The following NRF1 variants were observed in gnomAD, a reference collection of about 807,000 sequenced individuals.
NRF1 encodes the protein alpha palindromic-binding protein.
In NRF1, 5 loss-of-function variants were observed where a neutral mutation model predicts 58.5. The ratio of observed to expected loss-of-function variants is 0.09; its 90% CI spans 0.04 to 0.18. NRF1 has a LOEUF of 0.18. Ranked by LOEUF, NRF1 falls within the 10% of genes least tolerant of loss-of-function variation. The pLI is 1.00. For synonymous variants in NRF1, 224 were observed against 246.7 expected (o/e 0.91, Z 0.86); for missense variants, 288 against 657.7 (o/e 0.44, Z 6.15).
chr7:129,742,939 G>A (rs1038393404), intron 10 of NRF1, among the ~76,000 whole-genome samples: 5 of 152,162 alleles, frequency 3.3e-5, no homozygotes, highest in Admixed American at 3.3e-4. Context: ...ATCATCACAG[G>A]AAGCTCCAGT....
chr7:129,701,656 G>A (rs1802828907), intron 5 of NRF1, among the ~76,000 whole-genome samples: 1 of 152,020 alleles, frequency 6.6e-6, no homozygotes, highest in African/African-American at 2.4e-5. Context: ...GGAAGAGGAT[G>A]AATGGGTATT....
intron 1 of NRF1, among the ~76,000 whole-genome samples, chr7:129,623,438 T>A (rs1378856994): frequency 6.6e-6 from 1 of 151,920 alleles, no homozygotes; most frequent in Non-Finnish European, 1.5e-5. Flanking sequence ...AGATAAAATA[T>A]AAATATTCAA....
At chr7:129,742,200 C>T (rs1803860368) in intron 10 of NRF1, among the ~76,000 whole-genome samples, 1 of 149,052 alleles carries the variant, frequency 6.7e-6, no homozygotes, top group African/African-American at 2.5e-5. Flanking sequence ...ATAATTACAC[C>T]AAATCTTCAT....
intron 10 of NRF1, among the ~76,000 whole-genome samples, chr7:129,743,175 TA>T (rs5887444): frequency 0.66 from 96,246 of 146,878 alleles, 32,059 homozygotes; most frequent in East Asian, 0.76. Context: ...ACCCCTTGTT[TA>T]AAAAAAAAAA....
In NRF1 at chr7:129,673,703, C is replaced by G. The variant is rs1359401571; in HGVS notation, c.338+2160C>G. 3.2e-3 allele frequency among the ~76,000 whole-genome samples: 328 copies of G among 103,154 alleles called. 2 individuals carry two copies. The highest frequency in any genetic ancestry group is 0.012 in the African/African-American group (311 of 25,148). 67.7% of individuals were successfully genotyped at this position (103,154 alleles called of 152,430 possible). On this transcript the variant is annotated intron_variant, in intron 3 of 10. Coordinates refer to ENST00000393232, the MANE Select transcript of NRF1 (RefSeq NM_005011.5). ...CAGCACTCCCGCCTGGGCGACAGAG[C>G]GAGACTCCGTCTCAAAAAAAAAAAA...
At chr7:129,754,982 T>C in intron 10 of NRF1, 36 bp from the exon 11 acceptor site, 1 of 1,527,450 alleles carries the variant, frequency 6.5e-7, no homozygotes, top group East Asian at 2.5e-5. Flanking sequence ...AACTTGAGCC[T>C]GAGCCCCACC....
chr7:129,664,104 A>C (rs7459234), intron 2 of NRF1, among the ~76,000 whole-genome samples: 27,629 of 148,008 alleles, frequency 0.19, 2,832 homozygotes, highest in East Asian at 0.48. Context: ...CAGGCTCCCC[A>C]AGAGAGGGAG....
chr7:129,705,952 A>T (rs1201419933), intron 5 of NRF1, among the ~76,000 whole-genome samples: 1 of 151,944 alleles, frequency 6.6e-6, no homozygotes, highest in Non-Finnish European at 1.5e-5. Flanking sequence ...AGAGAGAGAG[A>T]GAGAGAGAAT....
chr7:129,748,001 C>T (rs1420325288), intron 10 of NRF1, among the ~76,000 whole-genome samples: 4 of 152,124 alleles, frequency 2.6e-5, no homozygotes, highest in Non-Finnish European at 5.9e-5. Flanking sequence ...CTCGGCCGGG[C>T]GCGGTGGCTC....
At chr7:129,713,448 T>A (rs1803122092) in intron 8 of NRF1, among the ~76,000 whole-genome samples, 1 of 152,184 alleles carries the variant, frequency 6.6e-6, no homozygotes, top group Non-Finnish European at 1.5e-5. Flanking sequence ...ACCATCAATA[T>A]ATGTAACAGT....
chr7:129,676,280 A>G (rs1229244921), intron 3 of NRF1, among the ~76,000 whole-genome samples: 1 of 152,242 alleles, frequency 6.6e-6, no homozygotes, highest in East Asian at 1.9e-4. Context: ...TCTTTGCATT[A>G]ACAACGTGGC....
intron 4 of NRF1, among the ~76,000 whole-genome samples, chr7:129,684,851 C>A (rs899382630): frequency 4.6e-5 from 7 of 152,146 alleles, no homozygotes; most frequent in Non-Finnish European, 8.8e-5. Context: ...CCATCTGAGT[C>A]CTTTGGGGTT....
Position 129,755,224 on chromosome 7 carries a change from A to T in NRF1, c.*43A>T. 2 of 1,503,618 alleles carry T rather than the reference A, an allele frequency of 1.3e-6. No individual in the cohort carries two copies. Among genetic ancestry groups the T allele is most frequent in the Non-Finnish European group, 1.8e-6 (2 of 1,120,804 alleles). The allele number at this position is 1,503,618 out of a possible 1,614,324, so 93.1% of individuals were successfully genotyped here. On this transcript the variant is annotated 3_prime_UTR_variant, in exon 11 of 11. Coordinates refer to ENST00000393232, the MANE Select transcript of NRF1 (RefSeq NM_005011.5). The surrounding 1 kb of genome is among the most constrained non-coding windows in gnomAD (Gnocchi z 5.8). The stretch of plus-strand genomic sequence containing the variant: ...GCATCGTTTTCTAGTCTACTTCAAA[A>T]TTTTTTACACGTTTGCAGAGGTGCA...
chr7:129,715,817 C>A (rs1803173606), intron 8 of NRF1, among the ~76,000 whole-genome samples: 1 of 152,028 alleles, frequency 6.6e-6, no homozygotes, highest in Admixed American at 6.6e-5. Flanking sequence ...CCAGCTTAAC[C>A]AACATGGAGA....
At chr7:129,637,986 T>C (rs901197844) in intron 1 of NRF1, among the ~76,000 whole-genome samples, 2 of 152,172 alleles carry the variant, frequency 1.3e-5, no homozygotes, top group African/African-American at 4.8e-5. Flanking sequence ...ACACCTCTGC[T>C]TTAAGGCTTC....
intron 10 of NRF1, among the ~76,000 whole-genome samples, chr7:129,739,870 C>G (rs776588465): frequency 1.3e-5 from 2 of 152,192 alleles, no homozygotes; most frequent in Non-Finnish European, 2.9e-5. Context: ...ACAAAGCTGA[C>G]AGGAGCCATG....
intron 6 of NRF1, among the ~76,000 whole-genome samples, chr7:129,709,704 A>C (rs891555580): frequency 4.9e-5 from 7 of 142,980 alleles, no homozygotes; most frequent in Non-Finnish European, 7.7e-5. Context: ...TTGCGTATTT[A>C]TTTTTCTTTT....
chr7:129,755,151 A>G lies in NRF1; in HGVS notation c.1482A>G (p.Gln494=). ...ACAGCGCAGTCACCATGGACGGCCA[A>G]GCTGTGGAGGTGGTGACATTGGAAC... is the stretch of plus-strand genomic sequence containing the variant. ...ISDSAVTMDG[Q]AVEVVTLEQ Residue 494 remains glutamine, a synonymous_variant, in exon 11 of 11, where the codon CAA becomes CAG. Transcript: ENST00000393232. This position sits in a 1 kb window ranked among gnomAD's most constrained non-coding sequence, Gnocchi z 5.8. 6.2e-7 allele frequency: 1 copy of G among 1,613,390 alleles called. No individual in the cohort carries two copies. Among genetic ancestry groups the G allele is most frequent in the Non-Finnish European group, 8.5e-7 (1 of 1,179,750 alleles).
At chr7:129,732,173 A>G (rs1241579445) in intron 10 of NRF1, among the ~76,000 whole-genome samples, 3 of 152,312 alleles carry the variant, frequency 2.0e-5, no homozygotes, top group Non-Finnish European at 2.9e-5. Flanking sequence ...CAAGCCTCAG[A>G]AAACCAGGCC....
Sources: gnomAD v4.1 joint callset for allele counts (sites outside exome capture counted in the v4.1 genomes callset) on GRCh38, gnomAD v4.1.1 for gene constraint, Gnocchi (gnomAD v3.1) non-coding constraint, MANE v1.5 for transcripts, NCBI Gene and HGNC (gene_info 2026-07-23, HGNC 2026-07-21) for gene names.